Variants in CTNNA2 observed in about 807,000 individuals in gnomAD.
CTNNA2 encodes catenin alpha 2, also known as catenin alpha-2.
In CTNNA2, 42 loss-of-function variants were observed where a neutral mutation model predicts 101.0. The ratio of observed to expected loss-of-function variants is 0.42; its 90% CI spans 0.32 to 0.54. The LOEUF (loss-of-function observed/expected upper bound fraction) is 0.54. Ranked by LOEUF, CTNNA2 falls within the 20% of genes least tolerant of loss-of-function variation. CTNNA2 has a pLI of 0.14. For synonymous variants in CTNNA2, 450 were observed against 456.4 expected (o/e 0.99, Z 0.18); for missense variants, 871 against 1,223.1 (o/e 0.71, Z 4.29).
intron 9 of CTNNA2, among the ~76,000 whole-genome samples, chr2:80,514,525 A>G (rs1298462131): frequency 6.6e-6 from 1 of 152,154 alleles, no homozygotes; most frequent in Non-Finnish European, 1.5e-5. Context: ...CTGGTGTCCA[A>G]GAAGAATGAG....
intron 16 of CTNNA2, among the ~76,000 whole-genome samples, chr2:80,604,501 T>C (rs1697835650): frequency 6.6e-6 from 1 of 151,982 alleles, no homozygotes; most frequent in Non-Finnish European, 1.5e-5. Context: ...TACTGCATAA[T>C]GAAGGGGGGA....
chr2:80,103,424 C>T (rs1447936766), intron 7 of CTNNA2, among the ~76,000 whole-genome samples: 4 of 152,086 alleles, frequency 2.6e-5, no homozygotes, highest in Admixed American at 6.5e-5. Context: ...CTCATTTTGC[C>T]CGTATTACCT....
intron 1 of CTNNA2, among the ~76,000 whole-genome samples, chr2:79,608,882 G>A (rs62140084): frequency 0.14 from 20,870 of 151,796 alleles, 2,446 homozygotes; most frequent in African/African-American, 0.32. Context: ...ATTTTATTCA[G>A]TATTGTTCTG....
At chr2:79,377,060 C>A (rs1380767830) in intron 4 of CTNNA2, among the ~76,000 whole-genome samples, 1 of 151,142 alleles carries the variant, frequency 6.6e-6, no homozygotes, top group African/African-American at 2.4e-5. Flanking sequence ...GGAATCGCCA[C>A]ACTGACTTCC....
chr2:79,598,252 A>T (rs1677326420), intron 1 of CTNNA2, among the ~76,000 whole-genome samples: 2 of 152,230 alleles, frequency 1.3e-5, no homozygotes, highest in Non-Finnish European at 1.5e-5. Flanking sequence ...GACAATTACA[A>T]ATAAAGCTGC....
chr2:80,370,018 G>A (rs1295435643), intron 7 of CTNNA2, among the ~76,000 whole-genome samples: 1 of 152,132 alleles, frequency 6.6e-6, no homozygotes, highest in Non-Finnish European at 1.5e-5. Context: ...GACAGCAGTA[G>A]AAAACTAATT....
At chr2:80,520,123 G>T (rs1288032168) in intron 9 of CTNNA2, among the ~76,000 whole-genome samples, 1 of 152,086 alleles carries the variant, frequency 6.6e-6, no homozygotes, top group African/African-American at 2.4e-5. Flanking sequence ...AGAAATTTCA[G>T]CTGAGTCACT....
intron 1 of CTNNA2, among the ~76,000 whole-genome samples, chr2:79,540,690 A>C (rs573232509): frequency 1.6e-4 from 25 of 152,224 alleles, no homozygotes; most frequent in Non-Finnish European, 2.8e-4. Context: ...CATGAAATAT[A>C]AGTGAACCAA....
chr2:80,092,645 G>T (rs1458022630), intron 7 of CTNNA2, among the ~76,000 whole-genome samples: 1 of 152,034 alleles, frequency 6.6e-6, no homozygotes, highest in Non-Finnish European at 1.5e-5. Flanking sequence ...ACCTTTCCAG[G>T]AAGACAAGAT....
chr2:79,542,936 T>C (rs1002291254), intron 1 of CTNNA2, among the ~76,000 whole-genome samples: 2 of 152,192 alleles, frequency 1.3e-5, no homozygotes, highest in East Asian at 1.9e-4. Flanking sequence ...TGGAGGGGCT[T>C]AGTAAGTTTA....
At chr2:79,935,325 G>T (rs1393835457) in intron 7 of CTNNA2, among the ~76,000 whole-genome samples, 1 of 150,864 alleles carries the variant, frequency 6.6e-6, no homozygotes, top group Non-Finnish European at 1.5e-5. Context: ...TCTGCCCAGA[G>T]CCCGTATTTC....
chr2:80,581,686 T>C lies in CTNNA2; in HGVS notation c.1894-20T>C. 1 of 1,459,100 alleles carries C rather than the reference T, an allele frequency of 6.9e-7. No homozygotes were observed. Among genetic ancestry groups the C allele is most frequent in the Non-Finnish European group, 9.6e-7 (1 of 1,039,330 alleles). 90.4% of individuals were successfully genotyped at this position (1,459,100 alleles called of 1,614,324 possible). On this transcript the variant is annotated intron_variant, in intron 13 of 18. Transcript: ENST00000402739. ...AGATTATCAATTTAAGTATGCTGAC[T>C]TATATCTTTTTGTCTTTAGACCCCA...
intron 3 of CTNNA2, among the ~76,000 whole-genome samples, chr2:79,756,690 A>G (rs1672425349): frequency 6.6e-6 from 1 of 152,238 alleles, no homozygotes; most frequent in Non-Finnish European, 1.5e-5. Context: ...AAAGACTTAT[A>G]TCCATAATAT....
At chr2:80,115,941 G>A (rs1701487182) in intron 7 of CTNNA2, among the ~76,000 whole-genome samples, 1 of 152,102 alleles carries the variant, frequency 6.6e-6, no homozygotes, top group Admixed American at 6.5e-5. Flanking sequence ...CATATGGACT[G>A]GAAATAGGAT....
chr2:79,445,337 T>A (rs1438636299), intron 4 of CTNNA2, among the ~76,000 whole-genome samples: 1 of 152,166 alleles, frequency 6.6e-6, no homozygotes. Context: ...TACCCAAGTT[T>A]TGCAGAGTTC....
intron 1 of CTNNA2, among the ~76,000 whole-genome samples, chr2:79,541,236 A>T (rs1174937717): frequency 6.6e-6 from 1 of 151,482 alleles, no homozygotes; most frequent in African/African-American, 2.4e-5. Flanking sequence ...ACACACACAC[A>T]AGAATAATTT....
At chr2:80,517,690 G>A (rs1689210368) in intron 9 of CTNNA2, among the ~76,000 whole-genome samples, 1 of 152,152 alleles carries the variant, frequency 6.6e-6, no homozygotes. Flanking sequence ...AGTAATATTG[G>A]GGAATCCTGC....
intron 2 of CTNNA2, among the ~76,000 whole-genome samples, chr2:79,677,030 A>G (rs1683232523): frequency 6.6e-6 from 1 of 152,130 alleles, no homozygotes; most frequent in East Asian, 1.9e-4. Context: ...TCTAGGCTCA[A>G]GTGATCCTCC....
intron 7 of CTNNA2, among the ~76,000 whole-genome samples, chr2:79,924,601 G>A (rs189396091): frequency 2.0e-4 from 30 of 152,190 alleles, no homozygotes; most frequent in African/African-American, 3.9e-4. Flanking sequence ...CCATCGCTAC[G>A]TTCAGGGGCT....
Sources: gnomAD v4.1 joint callset for allele counts (sites outside exome capture counted in the v4.1 genomes callset) on GRCh38, gnomAD v4.1.1 for gene constraint, MANE v1.5 for transcripts, NCBI Gene and HGNC (gene_info 2026-07-23, HGNC 2026-07-21) for gene names.